Variants in CDYL2 observed in about 807,000 individuals in gnomAD.
CDYL2 encodes the protein chromodomain Y-like protein 2.
CDYL2 carries 23 observed loss-of-function variants against 49.4 expected under a neutral mutation model. The observed-to-expected ratio is 0.47, with a 90% CI of 0.34 to 0.66. CDYL2 has a LOEUF of 0.66. Ranked by LOEUF, CDYL2 falls within the 30% of genes least tolerant of loss-of-function variation. CDYL2 has a pLI of 0.01. For missense variants in CDYL2, 678 were observed against 656.4 expected, an observed-to-expected ratio of 1.03 and a Z score of -0.36; for synonymous variants, 360 against 268.8, an observed-to-expected ratio of 1.34 and a Z score of -3.32.
chr16:80,639,394 C>A (rs1414423317), intron 2 of CDYL2, among the ~76,000 whole-genome samples: 2 of 152,150 alleles, frequency 1.3e-5, no homozygotes, highest in African/African-American at 2.4e-5. Context: ...CAAAACAAAA[C>A]CAAAACACAA....
At chr16:80,711,408 A>AG (rs1162557874) in intron 1 of CDYL2, among the ~76,000 whole-genome samples, 4 of 152,156 alleles carry the variant, frequency 2.6e-5, no homozygotes, top group African/African-American at 9.6e-5. Context: ...CACACCTGGG[A>AG]GGGGGCAAAG....
At chr16:80,632,982 G>T in intron 3 of CDYL2, 37 bp downstream of exon 3, 1 of 1,586,728 alleles carries the variant, frequency 6.3e-7, no homozygotes, top group Non-Finnish European at 8.6e-7. Context: ...AGGAGCCACA[G>T]CCCAGCTTGC....
chr16:80,622,648 C>T (rs1202573162), intron 3 of CDYL2, among the ~76,000 whole-genome samples: 1 of 152,172 alleles, frequency 6.6e-6, no homozygotes, highest in South Asian at 2.1e-4. Context: ...GAAACTCCCT[C>T]ATAGCCCTTT....
chr16:80,755,368 A>G (rs1461844424), intron 1 of CDYL2, among the ~76,000 whole-genome samples: 4 of 152,114 alleles, frequency 2.6e-5, no homozygotes, highest in Non-Finnish European at 4.4e-5. Context: ...CTCAGGAAAA[A>G]CAGAAATCAG....
intron 1 of CDYL2, among the ~76,000 whole-genome samples, chr16:80,780,022 C>G (rs895289955): frequency 6.6e-6 from 1 of 152,134 alleles, no homozygotes; most frequent in East Asian, 1.9e-4. Context: ...ACATGAACAC[C>G]TATGACTGTA....
At chr16:80,645,485 A>C (rs1908298357) in intron 2 of CDYL2, among the ~76,000 whole-genome samples, 1 of 152,180 alleles carries the variant, frequency 6.6e-6, no homozygotes, top group Non-Finnish European at 1.5e-5. Flanking sequence ...TCAGGAAACA[A>C]CAGGTGCTGG....
chr16:80,672,349 A>ACAGAGAG (rs1909548568), intron 2 of CDYL2, among the ~76,000 whole-genome samples: 2 of 132,426 alleles, frequency 1.5e-5, no homozygotes, highest in South Asian at 5.2e-4. Flanking sequence ...ACACACACAC[A>ACAGAGAG]CACAGAGAGA....
chr16:80,706,526 T>C lies in CDYL2; in HGVS notation c.25-21397A>G, dbSNP rs75918879. The stretch of plus-strand genomic sequence containing the variant: ...TGCACGTTGCAGGGATCAAATAAGT[T>C]AATGTTTGGAAGGAATTCATGACTG... On this transcript the variant is annotated intron_variant, in intron 1 of 6. Coordinates refer to ENST00000570137, the MANE Select transcript of CDYL2 (RefSeq NM_152342.4). Among the ~76,000 whole-genome samples the C allele has an allele frequency of 8.7e-3, 1,324 of 152,318 alleles. 24 individuals carry two copies. Among genetic ancestry groups the C allele is most frequent in the African/African-American group, 0.03 (1,234 of 41,556 alleles).
intron 1 of CDYL2, among the ~76,000 whole-genome samples, chr16:80,778,232 A>T (rs1907153974): frequency 1.3e-5 from 2 of 152,030 alleles, no homozygotes; most frequent in Admixed American, 6.5e-5. Flanking sequence ...AAGCAGTTTT[A>T]TTGAATGAGA....
In CDYL2 at chr16:80,788,073, C is replaced by G. The variant is rs552948754; in HGVS notation, c.24+16077G>C. On this transcript the variant is annotated intron_variant, in intron 1 of 6. Transcript: ENST00000570137. The stretch of plus-strand genomic sequence containing the variant: ...TTCCAACCGTGAAGGAATGCAAGCA[C>G]CATGCCAAATGAAAGAAAAAGGAAA... Among the ~76,000 whole-genome samples the G allele has an allele frequency of 1.8e-3, 281 of 151,982 alleles. 4 individuals are homozygous for G. The highest frequency in any genetic ancestry group is 1.1e-3 in the Non-Finnish European group (72 of 67,998).
At chr16:80,764,688 T>C (rs1035560241) in intron 1 of CDYL2, among the ~76,000 whole-genome samples, 1 of 152,114 alleles carries the variant, frequency 6.6e-6, no homozygotes, top group Admixed American at 6.6e-5. Flanking sequence ...GTCATCGCCA[T>C]CCGTGGGAAA....
intron 3 of CDYL2, among the ~76,000 whole-genome samples, chr16:80,625,688 G>GCAAAACC (rs1363120923): frequency 6.6e-6 from 1 of 152,122 alleles, no homozygotes; most frequent in East Asian, 1.9e-4. Context: ...CAAAGACAAA[G>GCAAAACC]CAAAACCTTA....
At chr16:80,617,781 C>A (rs545901738) in intron 4 of CDYL2, among the ~76,000 whole-genome samples, 51 of 152,322 alleles carry the variant, frequency 3.3e-4, no homozygotes, top group African/African-American at 1.2e-3. Context: ...CCCTTAATAA[C>A]CACCTTTACT....
chr16:80,743,077 G>C (rs1419475536), intron 1 of CDYL2, among the ~76,000 whole-genome samples: 4 of 152,106 alleles, frequency 2.6e-5, no homozygotes, highest in African/African-American at 7.2e-5. Context: ...CCGACGGACG[G>C]ACTCATTGAT....
At chr16:80,703,104 T>A (rs1904312062) in intron 1 of CDYL2, among the ~76,000 whole-genome samples, 1 of 152,134 alleles carries the variant, frequency 6.6e-6, no homozygotes, top group Non-Finnish European at 1.5e-5. Context: ...ATTAACAGAA[T>A]TATCTCAACC....
At chr16:80,733,347 T>C (rs527337166) in intron 1 of CDYL2, among the ~76,000 whole-genome samples, 1 of 152,370 alleles carries the variant, frequency 6.6e-6, no homozygotes, top group Admixed American at 6.5e-5. Context: ...GAAATCATTT[T>C]ATATATCTTG....
rs41469644 is a variant in CDYL2 at position 80,685,869 on chromosome 16, C to T, written c.25-740G>A. Among the ~76,000 whole-genome samples the T allele has an allele frequency of 4.4e-3, 677 of 152,258 alleles. 6 individuals carry two copies. Among genetic ancestry groups the T allele is most frequent in the African/African-American group, 0.016 (659 of 41,546 alleles). On this transcript the variant is annotated intron_variant, in intron 1 of 6. Coordinates refer to ENST00000570137, the MANE Select transcript of CDYL2 (RefSeq NM_152342.4). ...TAGGCCATACTAACTCTCTTAACTG[C>T]AAAAATCTTCCACAGTGACCAAAAA...
intron 4 of CDYL2, among the ~76,000 whole-genome samples, chr16:80,618,821 C>T (rs1274118527): frequency 6.6e-6 from 1 of 152,188 alleles, no homozygotes; most frequent in African/African-American, 2.4e-5. Flanking sequence ...GGACGTTGGG[C>T]AGAGGTCAGG....
intron 1 of CDYL2, among the ~76,000 whole-genome samples, chr16:80,741,610 T>C (rs1471985121): frequency 1.3e-5 from 2 of 152,140 alleles, no homozygotes; most frequent in African/African-American, 4.8e-5. Context: ...GTGAGGGTAA[T>C]AGATGATATC....
Sources: gnomAD v4.1 joint callset for allele counts (sites outside exome capture counted in the v4.1 genomes callset) on GRCh38, gnomAD v4.1.1 for gene constraint, MANE v1.5 for transcripts, NCBI Gene and HGNC (gene_info 2026-07-23, HGNC 2026-07-21) for gene names.